COX7B2: variants seen among roughly 807,000 people sequenced by gnomAD.
COX7B2 encodes cytochrome c oxidase subunit 7B2.
For synonymous variants in COX7B2, 37 were observed against 32.1 expected (o/e 1.15, Z -0.51); for missense variants, 109 against 95.9 (o/e 1.14, Z -0.57).
intron 2 of COX7B2, among the ~76,000 whole-genome samples, chr4:46,825,860 A>G (rs1714655044): frequency 6.6e-6 from 1 of 152,096 alleles, no homozygotes; most frequent in Admixed American, 6.6e-5. Flanking sequence ...CCTTCCTATA[A>G]CATGCACAAA....
chr4:46,744,900 T>C (rs956515248), intron 2 of COX7B2, among the ~76,000 whole-genome samples: 9 of 151,956 alleles, frequency 5.9e-5, no homozygotes, highest in South Asian at 4.2e-4. Flanking sequence ...CGGCTAATTT[T>C]GTTGTGTTTT....
chr4:46,845,635 T>A (rs1478541025), intron 1 of COX7B2, among the ~76,000 whole-genome samples: 1 of 151,824 alleles, frequency 6.6e-6, no homozygotes, highest in African/African-American at 2.4e-5. Flanking sequence ...TATTAATAGT[T>A]CTCAAGGATG....
chr4:46,807,806 T>A (rs1248897619), intron 2 of COX7B2, among the ~76,000 whole-genome samples: 1 of 151,884 alleles, frequency 6.6e-6, no homozygotes, highest in Non-Finnish European at 1.5e-5. Flanking sequence ...GTTGTCTTCA[T>A]GTCCTTGTCT....
chr4:46,892,972 C>G (rs1285660801), intron 1 of COX7B2, among the ~76,000 whole-genome samples: 1 of 152,174 alleles, frequency 6.6e-6, no homozygotes, highest in Non-Finnish European at 1.5e-5. Flanking sequence ...ATTCTTCCCT[C>G]TCCTGCTGCC....
chr4:46,738,467 T>G (rs1260401306), intron 2 of COX7B2, among the ~76,000 whole-genome samples: 4 of 152,066 alleles, frequency 2.6e-5, no homozygotes, highest in Non-Finnish European at 5.9e-5. Context: ...CAAACTGCAG[T>G]CTCTTTGCTC....
chr4:46,824,029 A>C (rs1714498387), intron 2 of COX7B2, among the ~76,000 whole-genome samples: 1 of 152,164 alleles, frequency 6.6e-6, no homozygotes, highest in Admixed American at 6.5e-5. Context: ...TTAAAAATAC[A>C]CAAACTAGCA....
intron 2 of COX7B2, among the ~76,000 whole-genome samples, chr4:46,743,686 C>T (rs1237875532): frequency 6.6e-6 from 1 of 152,154 alleles, no homozygotes; most frequent in Non-Finnish European, 1.5e-5. Flanking sequence ...TTTTTCCAAC[C>T]TCTATTGTGC....
At chr4:46,886,097 C>A (rs1421751124) in intron 1 of COX7B2, among the ~76,000 whole-genome samples, 2 of 152,072 alleles carry the variant, frequency 1.3e-5, no homozygotes, top group East Asian at 3.9e-4. Context: ...GTACTTGCCC[C>A]AATGCCCTTG....
chr4:46,855,279 T>C (rs1224850953), intron 1 of COX7B2, among the ~76,000 whole-genome samples: 1 of 152,148 alleles, frequency 6.6e-6, no homozygotes. Context: ...TGAGCTGAGA[T>C]AGCACCACTG....
At chr4:46,885,768 C>T (rs1229102601) in intron 1 of COX7B2, among the ~76,000 whole-genome samples, 2 of 151,806 alleles carry the variant, frequency 1.3e-5, no homozygotes, top group Admixed American at 6.6e-5. Flanking sequence ...ATAATTCTTC[C>T]GGTGGATGTA....
intron 2 of COX7B2, among the ~76,000 whole-genome samples, chr4:46,822,135 T>C (rs1714343018): frequency 1.3e-5 from 2 of 152,152 alleles, no homozygotes; most frequent in African/African-American, 4.8e-5. Flanking sequence ...ATAGTCTCCA[T>C]CTCCTGACCT....
intron 2 of COX7B2, among the ~76,000 whole-genome samples, chr4:46,781,119 T>C (rs758738262): frequency 1.9e-4 from 29 of 152,114 alleles, no homozygotes; most frequent in Non-Finnish European, 2.5e-4. Context: ...TACCAACATA[T>C]AGCTAGTAGA....
intron 2 of COX7B2, among the ~76,000 whole-genome samples, chr4:46,767,438 T>A (rs558903150): frequency 1.3e-5 from 2 of 152,304 alleles, no homozygotes; most frequent in South Asian, 2.1e-4. Flanking sequence ...CTTTCAACAA[T>A]GGATCATCCA....
chr4:46,870,085 AT>A (rs2109821168), intron 1 of COX7B2, among the ~76,000 whole-genome samples: 2 of 151,890 alleles, frequency 1.3e-5, no homozygotes, highest in African/African-American at 2.4e-5. Flanking sequence ...ATTCTTATTT[AT>A]TTTTGTCTCA....
At chr4:46,783,046 T>C (rs1316214625) in intron 2 of COX7B2, among the ~76,000 whole-genome samples, 3 of 152,334 alleles carry the variant, frequency 2.0e-5, no homozygotes, top group African/African-American at 7.2e-5. Flanking sequence ...AACCTGATAA[T>C]GCTAAATGAT....
At chr4:46,759,324 C>A (rs1447916262) in intron 2 of COX7B2, among the ~76,000 whole-genome samples, 1 of 151,964 alleles carries the variant, frequency 6.6e-6, no homozygotes, top group African/African-American at 2.4e-5. Flanking sequence ...TCAATATACT[C>A]AGAGATTTTT....
At chr4:46,737,051 C>G (rs957325835) in intron 2 of COX7B2, among the ~76,000 whole-genome samples, 3 of 152,080 alleles carry the variant, frequency 2.0e-5, no homozygotes, top group Admixed American at 1.3e-4. Flanking sequence ...GTGGCTGTAC[C>G]ATTTTGAGTT....
intron 2 of COX7B2, among the ~76,000 whole-genome samples, chr4:46,807,036 G>A (rs1344683987): frequency 1.3e-5 from 2 of 151,926 alleles, no homozygotes; most frequent in Non-Finnish European, 2.9e-5. Flanking sequence ...TATACGGCCA[G>A]AAGAGGAATT....
chr4:46,842,386 G>A (rs1299255271), intron 2 of COX7B2, among the ~76,000 whole-genome samples: 1 of 151,838 alleles, frequency 6.6e-6, no homozygotes, highest in Admixed American at 6.6e-5. Context: ...CACAGTGGTT[G>A]TGAGCTCACT....
Sources: allele counts gnomAD v4.1 joint callset (sites outside exome capture counted in the v4.1 genomes callset), GRCh38; gene constraint gnomAD v4.1.1; transcripts MANE v1.5; gene names NCBI Gene and HGNC (gene_info 2026-07-23, HGNC 2026-07-21).